The following WWOX variants were observed in gnomAD, a reference collection of about 807,000 sequenced individuals.
WWOX encodes the protein WW domain containing oxidoreductase, also known as WW domain-containing oxidoreductase.
Under a neutral mutation model 46.2 loss-of-function variants are expected in WWOX, and 69 were observed. That is an observed-to-expected ratio of 1.49 (90% CI 1.23 to 1.82). The LOEUF (loss-of-function observed/expected upper bound fraction) is 1.82. WWOX is among the 40% of genes most tolerant of loss of function. The pLI, the probability that WWOX is intolerant of heterozygous loss-of-function variation, is 0.00. For missense variants in WWOX, 919 were observed against 542.6 expected (o/e 1.69, Z -6.89); for synonymous variants, 359 against 202.6 (o/e 1.77, Z -6.56).
chr16:78,790,447 T>C (rs138015498), intron 8 of WWOX, among the ~76,000 whole-genome samples: 1 of 152,110 alleles, frequency 6.6e-6, no homozygotes, highest in Non-Finnish European at 1.5e-5. Flanking sequence ...GCATTATTAT[T>C]TTTAGTCTAC....
At chr16:78,876,791 C>T (rs1050733185) in intron 8 of WWOX, among the ~76,000 whole-genome samples, 1 of 152,078 alleles carries the variant, frequency 6.6e-6, no homozygotes, top group Non-Finnish European at 1.5e-5. Context: ...CCTTAAACAC[C>T]TCATCTATTA....
At chr16:79,127,697 C>A (rs987825255) in intron 8 of WWOX, among the ~76,000 whole-genome samples, 1 of 152,160 alleles carries the variant, frequency 6.6e-6, no homozygotes, top group Non-Finnish European at 1.5e-5. Context: ...AAATTGCCCT[C>A]TACGGAGGTT....
chr16:79,192,064 G>C (rs1390759121), intron 8 of WWOX, among the ~76,000 whole-genome samples: 1 of 152,204 alleles, frequency 6.6e-6, no homozygotes, highest in Non-Finnish European at 1.5e-5. Context: ...TTCTCCTCAA[G>C]ATAAGGGATG....
At chr16:78,724,602 G>T (rs373047700) in intron 8 of WWOX, among the ~76,000 whole-genome samples, 1 of 152,154 alleles carries the variant, frequency 6.6e-6, no homozygotes, top group African/African-American at 2.4e-5. Flanking sequence ...CTTATGTGTA[G>T]TCCCCTAGTG....
chr16:78,601,117 A>G (rs2045612217), intron 8 of WWOX, among the ~76,000 whole-genome samples: 1 of 152,198 alleles, frequency 6.6e-6, no homozygotes, highest in Non-Finnish European at 1.5e-5. Context: ...TATAAGTGAC[A>G]TGGCTCCTCG....
chr16:79,040,079 T>C (rs1328620867), intron 8 of WWOX, among the ~76,000 whole-genome samples: 5 of 152,102 alleles, frequency 3.3e-5, no homozygotes. Flanking sequence ...ATAAACTGGG[T>C]ATAATAATCA....
chr16:78,164,160 A>G (rs770746416), intron 4 of WWOX, 23 bp from the exon 5 acceptor site: 9 of 1,607,888 alleles, frequency 5.6e-6, no homozygotes, highest in South Asian at 2.2e-5. Flanking sequence ...GTTTTCTAAC[A>G]TTGACTTTCC....
chr16:79,076,276 A>T (rs2048654464), intron 8 of WWOX, among the ~76,000 whole-genome samples: 1 of 152,210 alleles, frequency 6.6e-6, no homozygotes, highest in East Asian at 1.9e-4. Context: ...AATCTAAGTA[A>T]AAGAATCACT....
rs539936424 is a variant in WWOX, at chr16:78,629,923, A to G, written c.1056+197171A>G. Among the ~76,000 whole-genome samples, 152 of 152,328 alleles carry G rather than the reference A, an allele frequency of 1.0e-3. 1 individual carries two copies. The highest frequency in any genetic ancestry group is 3.6e-3 in the African/African-American group (148 of 41,568). On this transcript the variant is annotated intron_variant, in intron 8 of 8. Coordinates refer to ENST00000566780, the MANE Select transcript of WWOX (RefSeq NM_016373.4). ...TTTTAGAAATAGAAAATTAACGTAGATCACAGAAAATTATCCAAACTCAGT... is the reference window on the plus strand; with the variant it reads ...TTTTAGAAATAGAAAATTAACGTAGGTCACAGAAAATTATCCAAACTCAGT...
chr16:78,594,648 CTG>C (rs1567668076), intron 8 of WWOX, among the ~76,000 whole-genome samples: 1 of 152,066 alleles, frequency 6.6e-6, no homozygotes, highest in African/African-American at 2.4e-5. Context: ...TGCAGTGGCT[CTG>C]TATTTCTCAG....
At chr16:78,818,439 C>G (rs962860410) in intron 8 of WWOX, among the ~76,000 whole-genome samples, 1 of 152,198 alleles carries the variant, frequency 6.6e-6, no homozygotes, top group Non-Finnish European at 1.5e-5. Flanking sequence ...CAAGGCAGGC[C>G]CAGTTTTGAG....
intron 8 of WWOX, among the ~76,000 whole-genome samples, chr16:78,540,780 G>A (rs2043873384): frequency 6.6e-6 from 1 of 152,104 alleles, no homozygotes; most frequent in African/African-American, 2.4e-5. Context: ...TCAAATTCAT[G>A]AGCCCAAGCG....
intron 6 of WWOX, among the ~76,000 whole-genome samples, chr16:78,402,807 A>G (rs1480349603): frequency 6.6e-5 from 10 of 152,208 alleles, no homozygotes; most frequent in African/African-American, 2.4e-4. Flanking sequence ...AAATAATTCT[A>G]ACCAATCAGT....
intron 8 of WWOX, among the ~76,000 whole-genome samples, chr16:78,958,443 C>A (rs907426746): frequency 1.3e-5 from 2 of 152,196 alleles, no homozygotes; most frequent in Admixed American, 6.5e-5. Flanking sequence ...TTTGCACTTT[C>A]AAAGTACTCT....
chr16:79,000,371 T>G (rs549946492), intron 8 of WWOX, among the ~76,000 whole-genome samples: 1 of 152,232 alleles, frequency 6.6e-6, no homozygotes, highest in South Asian at 2.1e-4. Context: ...GATGGGGAAT[T>G]AAGGTTGCAG....
chr16:78,910,096 T>C (rs1401375949), intron 8 of WWOX, among the ~76,000 whole-genome samples: 1 of 151,610 alleles, frequency 6.6e-6, no homozygotes, highest in Non-Finnish European at 1.5e-5. Flanking sequence ...TGTGTAGATG[T>C]GGTGATCGTT....
At chr16:78,458,347 A>C (rs191604489) in intron 8 of WWOX, among the ~76,000 whole-genome samples, 1,852 of 147,756 alleles carry the variant, frequency 0.013, 30 homozygotes, top group South Asian at 0.05. Context: ...TGCAGTCTTG[A>C]CCTCCCAGGC....
intron 8 of WWOX, among the ~76,000 whole-genome samples, chr16:78,730,081 G>A (rs545243989): frequency 3.3e-5 from 5 of 152,222 alleles, no homozygotes; most frequent in Admixed American, 3.3e-4. Context: ...GTACATGGTG[G>A]TGATGGTGTT....
chr16:78,413,671 A>T (rs2082732585), intron 6 of WWOX, among the ~76,000 whole-genome samples: 1 of 151,700 alleles, frequency 6.6e-6, no homozygotes, highest in African/African-American at 2.4e-5. Flanking sequence ...CACTGGGGAT[A>T]TGATGGCTTA....
Sources: allele counts gnomAD v4.1 joint callset (sites outside exome capture counted in the v4.1 genomes callset), GRCh38; gene constraint gnomAD v4.1.1; transcripts MANE v1.5; gene names NCBI Gene and HGNC (gene_info 2026-07-23, HGNC 2026-07-21).